EYS: variants seen among roughly 807,000 people sequenced by gnomAD.
EYS encodes the protein EGF-like photoreceptor maintenance factor.
In EYS, 250 loss-of-function variants were observed where a neutral mutation model predicts 282.1. The observed-to-expected ratio is 0.89, with a 90% CI of 0.80 to 0.98. The LOEUF is 0.98. EYS is among the 50% of genes least tolerant of loss of function. The probability of loss-of-function intolerance (pLI) is 0.00; values close to 1 mark genes in which losing one functional copy is unlikely to be tolerated. For synonymous variants in EYS, 1,355 were observed against 1,282.9 expected (o/e 1.06, Z -1.20); for missense variants, 4,016 against 3,709.0 (o/e 1.08, Z -2.15).
chr6:64,787,611 G>A (rs948260306), intron 22 of EYS, among the ~76,000 whole-genome samples: 1 of 151,180 alleles, frequency 6.6e-6, no homozygotes, highest in Non-Finnish European at 1.5e-5. Flanking sequence ...AAACAATAAT[G>A]AATTATTCCT....
intron 5 of EYS, among the ~76,000 whole-genome samples, chr6:65,443,677 TAC>T (rs775768254): frequency 3.3e-5 from 5 of 151,168 alleles, no homozygotes; most frequent in African/African-American, 9.7e-5. Context: ...ATACATCATA[TAC>T]ACACATACAC....
At chr6:63,915,739 C>T (rs1253403192) in intron 35 of EYS, among the ~76,000 whole-genome samples, 2 of 152,112 alleles carry the variant, frequency 1.3e-5, no homozygotes, top group Non-Finnish European at 2.9e-5. Context: ...TCATGGATGA[C>T]TTTGAGGGGT....
At chr6:64,450,829 A>G (rs147262616) in intron 26 of EYS, among the ~76,000 whole-genome samples, 1 of 152,230 alleles carries the variant, frequency 6.6e-6, no homozygotes, top group Admixed American at 6.5e-5. Context: ...GACACAACAT[A>G]TCAGAATCTC....
At chr6:64,259,686 C>G (rs76944637) in intron 30 of EYS, among the ~76,000 whole-genome samples, 1 of 14,884 alleles carries the variant, frequency 6.7e-5, no homozygotes, top group Non-Finnish European at 1.8e-4. Context: ...AATCTGAGTT[C>G]TGTGTGTGCA....
At chr6:64,443,507 A>G (rs956316194) in intron 26 of EYS, among the ~76,000 whole-genome samples, 2 of 152,142 alleles carry the variant, frequency 1.3e-5, no homozygotes, top group Non-Finnish European at 2.9e-5. Context: ...GCCAGGTGTG[A>G]AATGATAAGA....
At chr6:65,315,310 C>T (rs1216985902) in intron 11 of EYS, among the ~76,000 whole-genome samples, 2 of 152,092 alleles carry the variant, frequency 1.3e-5, no homozygotes, top group East Asian at 1.9e-4. Context: ...TATTAAGATA[C>T]ATAGAGAATA....
chr6:64,855,018 T>G (rs1240271465), intron 19 of EYS, among the ~76,000 whole-genome samples: 2 of 152,178 alleles, frequency 1.3e-5, no homozygotes, highest in Non-Finnish European at 2.9e-5. Context: ...TTACATAGTT[T>G]CTGACAAAAG....
At chr6:64,736,769 A>G (rs921842916) in intron 22 of EYS, among the ~76,000 whole-genome samples, 2 of 152,204 alleles carry the variant, frequency 1.3e-5, no homozygotes, top group African/African-American at 4.8e-5. Context: ...ACACTGAGTC[A>G]AGGCTGGACT....
intron 34 of EYS, among the ~76,000 whole-genome samples, chr6:63,987,687 T>C (rs543929122): frequency 6.6e-6 from 1 of 151,620 alleles, no homozygotes; most frequent in East Asian, 1.9e-4. Flanking sequence ...ATACCTCAAG[T>C]TGACATCTGA....
intron 23 of EYS, among the ~76,000 whole-genome samples, chr6:64,618,397 T>A (rs1767342022): frequency 6.6e-6 from 1 of 152,124 alleles, no homozygotes; most frequent in Non-Finnish European, 1.5e-5. Flanking sequence ...ATAGGGACAA[T>A]GGGTCTTTAC....
chr6:64,455,476 T>C (rs2150480927), intron 26 of EYS, among the ~76,000 whole-genome samples: 1 of 152,248 alleles, frequency 6.6e-6, no homozygotes, highest in Non-Finnish European at 1.5e-5. Flanking sequence ...GGGATCTATG[T>C]GCTGAACATG....
intron 5 of EYS, among the ~76,000 whole-genome samples, chr6:65,470,611 A>G (rs1025081761): frequency 1.3e-5 from 2 of 152,186 alleles, no homozygotes; most frequent in Admixed American, 6.5e-5. Flanking sequence ...ATGATTACAT[A>G]TGGCTAGTAC....
At chr6:64,497,651 G>A (rs111695351) in intron 26 of EYS, among the ~76,000 whole-genome samples, 46 of 152,130 alleles carry the variant, frequency 3.0e-4, no homozygotes, top group Admixed American at 9.2e-4. Flanking sequence ...AAATCTCATG[G>A]GTGAGTGTGA....
chr6:64,997,634 T>G lies in EYS; in HGVS notation c.2207A>C (p.Asp736Ala). Residue 736 changes from aspartate (D) to alanine (A), a missense_variant, in exon 14 of 43, where the codon GAC (aspartate) becomes GCC (alanine). Transcript: ENST00000503581. ...GTGCTCACAGGCATTCAGGATGCAG[T>G]CATCAATGTCCTGTTCACATCTTAT... ...VGIRCEQDID[D>A]CILNACEHNS... 1 of 1,551,260 alleles carries G rather than the reference T, an allele frequency of 6.4e-7. No individual in the cohort carries two copies. The highest frequency in any genetic ancestry group is 1.2e-5 in the South Asian group (1 of 84,054).
intron 28 of EYS, among the ~76,000 whole-genome samples, chr6:64,395,616 A>T (rs1252594293): frequency 1.5e-4 from 19 of 124,880 alleles, no homozygotes; most frequent in Non-Finnish European, 3.1e-4. Flanking sequence ...GGAATATCAC[A>T]CTCTGGGGAC....
At chr6:63,856,461 G>A (rs1244556251) in intron 36 of EYS, among the ~76,000 whole-genome samples, 1 of 152,212 alleles carries the variant, frequency 6.6e-6, no homozygotes, top group Non-Finnish European at 1.5e-5. Flanking sequence ...TGAGAGTTTA[G>A]TGTTCTACTG....
chr6:63,977,213 G>T (rs1038520315), intron 35 of EYS, among the ~76,000 whole-genome samples: 2 of 151,718 alleles, frequency 1.3e-5, no homozygotes, highest in Non-Finnish European at 2.9e-5. Context: ...GTGATATTTT[G>T]ATACAGGCAT....
chr6:64,557,822 T>C (rs1394945744), intron 26 of EYS, among the ~76,000 whole-genome samples: 2 of 152,058 alleles, frequency 1.3e-5, no homozygotes, highest in Non-Finnish European at 2.9e-5. Context: ...CACAATCAGA[T>C]TCATTTATTT....
intron 22 of EYS, among the ~76,000 whole-genome samples, chr6:64,634,952 T>C (rs1767921870): frequency 6.6e-6 from 1 of 152,186 alleles, no homozygotes; most frequent in Non-Finnish European, 1.5e-5. Context: ...TTCCTACCCA[T>C]GAGCATGGAA....
Sources: gnomAD v4.1 joint callset for allele counts (sites outside exome capture counted in the v4.1 genomes callset) on GRCh38, gnomAD v4.1.1 for gene constraint, MANE v1.5 for transcripts, NCBI Gene and HGNC (gene_info 2026-07-23, HGNC 2026-07-21) for gene names.